PPP1R12B: variants seen among roughly 807,000 people sequenced by gnomAD.
The protein encoded by PPP1R12B is protein phosphatase 1 regulatory subunit 12B.
PPP1R12B carries 76 observed loss-of-function variants against 126.1 expected under a neutral mutation model. The ratio of observed to expected loss-of-function variants is 0.60; its 90% CI spans 0.50 to 0.73. The LOEUF (loss-of-function observed/expected upper bound fraction) is 0.73. Ranked by LOEUF, PPP1R12B falls within the 30% of genes least tolerant of loss-of-function variation. PPP1R12B has a pLI of 0.00. For missense variants in PPP1R12B, 1,052 were observed against 1,205.1 expected, an observed-to-expected ratio of 0.87 and a Z score of 1.88; for synonymous variants, 356 against 434.7, an observed-to-expected ratio of 0.82 and a Z score of 2.25.
chr1:202,425,816 G>A, intron 4 of PPP1R12B, 91 bp downstream of exon 4: 3 of 1,278,338 alleles, frequency 2.3e-6, no homozygotes, highest in Non-Finnish European at 3.3e-6. Flanking sequence ...TTTCCGCTAT[G>A]ACGTGTTTCC....
intron 18 of PPP1R12B, among the ~76,000 whole-genome samples, chr1:202,524,126 G>A (rs1340605791): frequency 6.6e-6 from 1 of 152,176 alleles, no homozygotes; most frequent in African/African-American, 2.4e-5. Flanking sequence ...ATGATGACAG[G>A]GGCTTGGATC....
At chr1:202,448,139 G>C (rs1391813608) in intron 12 of PPP1R12B, 1 of 151,852 alleles carries the variant, frequency 6.6e-6, no homozygotes, top group Non-Finnish European at 1.5e-5. Context: ...TTTAATATTT[G>C]TGCTTTTCAT....
chr1:202,397,114 A>G (rs1256164319), intron 1 of PPP1R12B, among the ~76,000 whole-genome samples: 2 of 151,782 alleles, frequency 1.3e-5, no homozygotes, highest in Admixed American at 1.3e-4. Context: ...TCCCTTTCTT[A>G]GCCATATTTT....
At chr1:202,388,749 C>T (rs991704295) in intron 1 of PPP1R12B, among the ~76,000 whole-genome samples, 1 of 151,998 alleles carries the variant, frequency 6.6e-6, no homozygotes, top group African/African-American at 2.4e-5. Flanking sequence ...ATTATAAAAT[C>T]CATGTAACTC....
rs534626152 is a variant in PPP1R12B, at chr1:202,565,410, C to A, written c.2757+863C>A. ...AACCAGAGGTGGCTAGTCATTCTGG[C>A]AATATGACTGGCTATCCAAAAGCAA... On this transcript the variant is annotated intron_variant, in intron 21 of 23. Coordinates refer to ENST00000608999, the MANE Select transcript of PPP1R12B (RefSeq NM_002481.4). The surrounding 1 kb of genome is among the most constrained non-coding windows in gnomAD (Gnocchi z 4.3). 1.0e-3 allele frequency among the ~76,000 whole-genome samples: 152 copies of A among 152,312 alleles called. No homozygotes were observed. Among genetic ancestry groups the A allele is most frequent in the African/African-American group, 3.4e-3 (141 of 41,566 alleles).
intron 1 of PPP1R12B, among the ~76,000 whole-genome samples, chr1:202,360,177 A>G (rs939414084): frequency 1.3e-5 from 2 of 152,128 alleles, no homozygotes; most frequent in African/African-American, 4.8e-5. Flanking sequence ...TCAGATTCCA[A>G]TTTTTTGGTA....
At chr1:202,454,480 G>T (rs1673371881) in intron 13 of PPP1R12B, among the ~76,000 whole-genome samples, 1 of 152,220 alleles carries the variant, frequency 6.6e-6, no homozygotes, top group African/African-American at 2.4e-5. Flanking sequence ...GCTATGAGAA[G>T]CCCAGGTGAT....
At chr1:202,553,246 CTCT>C (rs949077303) in intron 18 of PPP1R12B, among the ~76,000 whole-genome samples, 1 of 152,174 alleles carries the variant, frequency 6.6e-6, no homozygotes, top group African/African-American at 2.4e-5. Flanking sequence ...AGCTTTTAGT[CTCT>C]TCTTCTCTAG....
At chr1:202,488,348 G>A (rs937386441) in intron 13 of PPP1R12B, among the ~76,000 whole-genome samples, 185 bp from the exon 14 acceptor site, 1 of 152,216 alleles carries the variant, frequency 6.6e-6, no homozygotes, top group Non-Finnish European at 1.5e-5. Flanking sequence ...AGATAAGGGG[G>A]AACTACTGTA....
intron 18 of PPP1R12B, among the ~76,000 whole-genome samples, chr1:202,534,501 C>A (rs1684321022): frequency 6.6e-6 from 1 of 150,842 alleles, no homozygotes; most frequent in African/African-American, 2.4e-5. Context: ...ATCTTTATTT[C>A]TTTATCTATC....
At chr1:202,538,134 C>T (rs1403717234) in intron 18 of PPP1R12B, among the ~76,000 whole-genome samples, 1 of 152,202 alleles carries the variant, frequency 6.6e-6, no homozygotes, top group Non-Finnish European at 1.5e-5. Flanking sequence ...GCTGGGACTA[C>T]AGGTGCCCCC....
rs561179370 is a variant in PPP1R12B at position 202,451,784 on chromosome 1, C to T, written c.1850+2613C>T. On this transcript the variant is annotated intron_variant, in intron 13 of 23. Coordinates refer to ENST00000608999, the MANE Select transcript of PPP1R12B (RefSeq NM_002481.4). ...GCCCCCGACCTCCCGGACGGGGCGG[C>T]TGGCAGGGTGGGGGCTGACCCCCCA... 9.4e-3 allele frequency among the ~76,000 whole-genome samples: 1,413 copies of T among 151,004 alleles called. 10 individuals carry two copies. The highest frequency in any genetic ancestry group is 0.013 in the Non-Finnish European group (892 of 67,734).
intron 18 of PPP1R12B, among the ~76,000 whole-genome samples, chr1:202,529,809 A>G (rs992459893): frequency 5.3e-5 from 8 of 152,174 alleles, no homozygotes; most frequent in Non-Finnish European, 1.2e-4. Flanking sequence ...ATTTATTTTA[A>G]AAGTTATTCT....
At chr1:202,364,226 T>G (rs1658734602) in intron 1 of PPP1R12B, among the ~76,000 whole-genome samples, 1 of 152,164 alleles carries the variant, frequency 6.6e-6, no homozygotes, top group African/African-American at 2.4e-5. Context: ...ATTAGTACTT[T>G]GAGAAGAAGC....
intron 9 of PPP1R12B, among the ~76,000 whole-genome samples, chr1:202,437,606 G>T (rs1341427781): frequency 6.6e-6 from 1 of 152,268 alleles, no homozygotes; most frequent in East Asian, 1.9e-4. Flanking sequence ...AAGAATCCGA[G>T]GCTATTTTTG....
Position 202,360,454 on chromosome 1 carries a change from A to G in PPP1R12B, c.291+11312A>G, listed in dbSNP as rs1657960895. ...CCGGGTGCAGTGGCTTACACCTGTA[A>G]TCACAGCACTTTGGGAGGCCGAGGT... On this transcript the variant is annotated intron_variant, in intron 1 of 23. Coordinates refer to ENST00000608999, the MANE Select transcript of PPP1R12B (RefSeq NM_002481.4). Among the ~76,000 whole-genome samples, 3 of 152,150 alleles carry G rather than the reference A, an allele frequency of 2.0e-5. No homozygotes were observed. In the South Asian group the frequency reaches 6.2e-4, roughly 32 times the overall value.
chr1:202,351,887 T>C (rs965494110), intron 1 of PPP1R12B, among the ~76,000 whole-genome samples: 2 of 152,196 alleles, frequency 1.3e-5, no homozygotes, highest in Non-Finnish European at 2.9e-5. Flanking sequence ...TTGATGCTTC[T>C]TTTGGACTTA....
At chr1:202,528,290 C>T (rs1320800663) in intron 18 of PPP1R12B, among the ~76,000 whole-genome samples, 2 of 152,206 alleles carry the variant, frequency 1.3e-5, no homozygotes, top group East Asian at 1.9e-4. Context: ...ATACAAACTA[C>T]GTAGAACCAT....
intron 13 of PPP1R12B, among the ~76,000 whole-genome samples, chr1:202,453,733 T>C: frequency 6.6e-6 from 1 of 151,974 alleles, no homozygotes; most frequent in Non-Finnish European, 1.5e-5. Flanking sequence ...TAAAGACACA[T>C]TTTGAGAAGG....
Sources: allele counts gnomAD v4.1 joint callset (sites outside exome capture counted in the v4.1 genomes callset), GRCh38; gene constraint gnomAD v4.1.1; non-coding constraint Gnocchi (gnomAD v3.1); transcripts MANE v1.5; gene names NCBI Gene and HGNC (gene_info 2026-07-23, HGNC 2026-07-21).